OSBPL9: variants seen among roughly 807,000 people sequenced by gnomAD.
OSBPL9 encodes the protein oxysterol binding protein like 9.
A neutral mutation model predicts 106.6 loss-of-function variants in OSBPL9; 40 were observed. The observed-to-expected ratio is 0.38, with a 90% confidence interval of 0.29 to 0.49. The LOEUF (loss-of-function observed/expected upper bound fraction) is 0.49, where lower values mean the gene tolerates loss of function less well. Among genes scored for constraint, OSBPL9 ranks in the 20% least tolerant of loss-of-function variants. The pLI is 0.97. For synonymous variants in OSBPL9, 269 were observed against 295.4 expected (o/e 0.91, Z 0.92); for missense variants, 609 against 887.2 (o/e 0.69, Z 3.98).
At chr1:51,550,900 A>G in the OSBPL9 span, among the ~76,000 whole-genome samples, 7 of 152,228 alleles carry the variant, frequency 4.6e-5, no homozygotes, top group Non-Finnish European at 1.0e-4. Context: ...TTATTTACTG[A>G]TAACTAATTT....
At chr1:51,617,006 A>C (rs565583783), upstream of OSBPL9, 86 of 1,513,162 alleles carry the variant, frequency 5.7e-5, 1 homozygote, top group South Asian at 1.0e-3. Flanking sequence ...ACCGCCCAGG[A>C]CCCGCCCAGG....
At chr1:51,753,428 T>C (rs1208699133) in intron 8 of OSBPL9, among the ~76,000 whole-genome samples, 1 of 152,172 alleles carries the variant, frequency 6.6e-6, no homozygotes, top group Non-Finnish European at 1.5e-5. Context: ...TAAGTGTTTA[T>C]TAAATTTAAA....
At chr1:51,682,868 C>A (rs1479060211) in intron 3 of OSBPL9, among the ~76,000 whole-genome samples, 1 of 142,874 alleles carries the variant, frequency 7.0e-6, no homozygotes, top group Non-Finnish European at 1.5e-5. Context: ...TGTGTTGAGA[C>A]CAGTTTTTTG....
the OSBPL9 span, among the ~76,000 whole-genome samples, chr1:51,554,418 G>T: frequency 2.0e-5 from 3 of 152,330 alleles, no homozygotes; most frequent in East Asian, 5.8e-4. Flanking sequence ...CTCATAGTTT[G>T]TGACTCAAAA....
At chr1:51,580,896 A>T (rs1243587622) in intron 1 of OSBPL9, among the ~76,000 whole-genome samples, 265 of 620 alleles carry the variant, frequency 0.43, 12 homozygotes, top group African/African-American at 0.48. Context: ...TAGCCATTAT[A>T]TATATATATA....
the OSBPL9 span, among the ~76,000 whole-genome samples, chr1:51,555,154 C>G: frequency 6.6e-5 from 10 of 152,264 alleles, no homozygotes; most frequent in East Asian, 1.9e-3. Context: ...TGCTCCAGCT[C>G]AGATTGATAG....
the OSBPL9 span, among the ~76,000 whole-genome samples, chr1:51,540,621 T>C: frequency 6.7e-6 from 1 of 150,100 alleles, no homozygotes; most frequent in East Asian, 2.0e-4. Flanking sequence ...ACCACTGCAC[T>C]CCAGCCTGGC....
chr1:51,568,168 G>A, the OSBPL9 span, among the ~76,000 whole-genome samples: 4 of 152,228 alleles, frequency 2.6e-5, no homozygotes, highest in Non-Finnish European at 5.9e-5. Context: ...ACAGGCAAGA[G>A]AGAAGCTGAC....
At chr1:51,769,644 A>G (rs994449660) in intron 12 of OSBPL9, among the ~76,000 whole-genome samples, 6 of 152,236 alleles carry the variant, frequency 3.9e-5, no homozygotes, top group Non-Finnish European at 1.5e-5. Flanking sequence ...AACTTAGCCC[A>G]TTGCAGATAA....
At chr1:51,786,674 G>T in intron 22 of OSBPL9, 57 bp downstream of exon 22, 4 of 1,392,144 alleles carry the variant, frequency 2.9e-6, no homozygotes, top group Non-Finnish European at 4.1e-6. Context: ...TTGCCTAGGC[G>T]TAGGCACAGG....
intron 3 of OSBPL9, among the ~76,000 whole-genome samples, chr1:51,706,111 AT>A (rs1401644049): frequency 1.3e-5 from 2 of 152,158 alleles, no homozygotes; most frequent in African/African-American, 4.8e-5. Flanking sequence ...CTCTTTTTCC[AT>A]TATCTGGAAG....
rs141680400 is a variant in OSBPL9 at position 51,636,914 on chromosome 1, A to C, written c.112-15077A>C. On this transcript the variant is annotated intron_variant, in intron 1 of 23. Coordinates refer to ENST00000428468, the MANE Select transcript of OSBPL9 (RefSeq NM_024586.6). ...AGTGACCTAGGAATTTACATGCTAGAGATGGTTCAGAAGTCAGCATTACCG... is the reference window on the plus strand; with the variant it reads ...AGTGACCTAGGAATTTACATGCTAGCGATGGTTCAGAAGTCAGCATTACCG... Among the ~76,000 whole-genome samples, 928 of 152,298 alleles carry C rather than the reference A, an allele frequency of 6.1e-3. 6 individuals are homozygous for C. The highest frequency in any genetic ancestry group is 0.01 in the Non-Finnish European group (694 of 68,024).
At chr1:51,574,034 A>G (rs1570522673), upstream of OSBPL9, 1 of 152,224 alleles carries the variant, frequency 6.6e-6, no homozygotes, top group African/African-American at 2.4e-5. Context: ...TTTAGACTGC[A>G]CCCATCGTTT....
chr1:51,618,308 C>T (rs992207499), intron 1 of OSBPL9, among the ~76,000 whole-genome samples: 1 of 152,118 alleles, frequency 6.6e-6, no homozygotes, highest in Admixed American at 6.6e-5. Flanking sequence ...CGTGAGCCAC[C>T]GCGTCCGGCC....
the OSBPL9 span, among the ~76,000 whole-genome samples, chr1:51,533,063 G>A: frequency 1.3e-5 from 2 of 151,932 alleles, no homozygotes; most frequent in African/African-American, 2.4e-5. Context: ...ATTAATAAAT[G>A]GTAGATATTT....
At chr1:51,728,367 C>A (rs1221795446) in intron 4 of OSBPL9, among the ~76,000 whole-genome samples, 1 of 152,064 alleles carries the variant, frequency 6.6e-6, no homozygotes, top group African/African-American at 2.4e-5. Context: ...CAGGCCAGGA[C>A]CTGTTATAGG....
At chr1:51,724,756 T>C (rs1413441566) in intron 4 of OSBPL9, 1 of 171,122 alleles carries the variant, frequency 5.8e-6, no homozygotes, top group African/African-American at 2.4e-5. Context: ...GTTTTTTGCT[T>C]GTTTGTTTTT....
the OSBPL9 span, among the ~76,000 whole-genome samples, chr1:51,530,907 G>A: frequency 1.3e-5 from 2 of 151,874 alleles, no homozygotes; most frequent in African/African-American, 2.4e-5. Flanking sequence ...CCGGGAGGCC[G>A]AGGCTGCAGT....
At chr1:51,746,783 C>T (rs371651366) in intron 6 of OSBPL9, 26 bp downstream of exon 6, 17 of 1,577,636 alleles carry the variant, frequency 1.1e-5, no homozygotes, top group African/African-American at 8.2e-5. Context: ...GTGCTTTTGA[C>T]GTTAAAAATT....
Sources: allele counts gnomAD v4.1 joint callset (sites outside exome capture counted in the v4.1 genomes callset), GRCh38; gene constraint gnomAD v4.1.1; transcripts MANE v1.5; gene names NCBI Gene and HGNC (gene_info 2026-07-23, HGNC 2026-07-21).